Variants in HS3ST5 observed in about 807,000 individuals in gnomAD.
The protein encoded by HS3ST5 is heparan sulfate-glucosamine 3-sulfotransferase 5.
Under a neutral mutation model 25.4 loss-of-function variants are expected in HS3ST5, and 10 were observed. The observed-to-expected ratio is 0.39, with a 90% CI of 0.24 to 0.67. HS3ST5 has a LOEUF of 0.67. HS3ST5 is among the 30% of genes least tolerant of loss of function. The pLI is 0.44. For missense variants in HS3ST5, 324 were observed against 420.7 expected, an observed-to-expected ratio of 0.77 and a Z score of 2.01; for synonymous variants, 170 against 162.4, an observed-to-expected ratio of 1.05 and a Z score of -0.36.
chr6:114,293,380 C>T (rs1293042975), intron 1 of HS3ST5, among the ~76,000 whole-genome samples: 3 of 152,142 alleles, frequency 2.0e-5, no homozygotes, highest in Non-Finnish European at 4.4e-5. Flanking sequence ...AGTCTATGGA[C>T]TAAACAACTA....
chr6:114,270,352 TAAG>T (rs1773586276), intron 1 of HS3ST5, among the ~76,000 whole-genome samples: 1 of 152,130 alleles, frequency 6.6e-6, no homozygotes, highest in African/African-American at 2.4e-5. Context: ...AGTGAAAATA[TAAG>T]AAGGAACTTT....
intron 1 of HS3ST5, among the ~76,000 whole-genome samples, chr6:114,273,704 A>G (rs984515610): frequency 6.6e-6 from 1 of 152,058 alleles, no homozygotes; most frequent in Admixed American, 6.6e-5. Flanking sequence ...TCAAATGCCA[A>G]TAGGTCAAAT....
chr6:114,271,228 T>G (rs996611837), intron 1 of HS3ST5, among the ~76,000 whole-genome samples: 1 of 152,132 alleles, frequency 6.6e-6, no homozygotes, highest in African/African-American at 2.4e-5. Context: ...TTCTGGTGTA[T>G]GTTGTTTCTC....
Position 114,341,218 on chromosome 6 carries a change from AGG to A in HS3ST5, c.-339+975_-339+976del, listed in dbSNP as rs1381332868. ...GGAGAGGGAGAGGGAATAGGGAGAG[AGG>A]GGGAGAGAGAGAGAGAGAGAGAGAG... On this transcript the variant is annotated intron_variant, in intron 1 of 4. Coordinates refer to ENST00000312719, the MANE Select transcript of HS3ST5 (RefSeq NM_153612.4). Among the ~76,000 whole-genome samples, 36 of 104,634 alleles carry A rather than the reference AGG, an allele frequency of 3.4e-4. 2 individuals are homozygous for A. Among genetic ancestry groups the A allele is most frequent in the African/African-American group, 1.4e-3 (33 of 24,366 alleles). The allele number at this position is 104,634 out of a possible 152,430, so 68.6% of individuals were successfully genotyped here.
At chr6:114,085,997 A>G (rs1314073306) in intron 3 of HS3ST5, among the ~76,000 whole-genome samples, 6 of 134,952 alleles carry the variant, frequency 4.4e-5, no homozygotes, top group African/African-American at 1.6e-4. Flanking sequence ...TTTTATGGAC[A>G]TTCAAAGATT....
chr6:114,096,859 C>T (rs1324552680), intron 3 of HS3ST5, among the ~76,000 whole-genome samples: 1 of 151,954 alleles, frequency 6.6e-6, no homozygotes, highest in Non-Finnish European at 1.5e-5. Context: ...ATTCCTTAGT[C>T]ATATTAACAT....
intron 1 of HS3ST5, among the ~76,000 whole-genome samples, chr6:114,306,166 A>T (rs564350343): frequency 2.0e-5 from 3 of 150,826 alleles, no homozygotes; most frequent in Admixed American, 2.0e-4. Flanking sequence ...ATAAGGGTCC[A>T]AATTTCAGTT....
At chr6:114,162,243 A>G (rs927444748) in intron 3 of HS3ST5, among the ~76,000 whole-genome samples, 12 of 152,176 alleles carry the variant, frequency 7.9e-5, no homozygotes, top group African/African-American at 2.7e-4. Context: ...CAGGCCAGGA[A>G]TATTATATAT....
intron 1 of HS3ST5, among the ~76,000 whole-genome samples, chr6:114,280,314 A>G (rs555821816): frequency 1.3e-5 from 2 of 152,122 alleles, no homozygotes; most frequent in East Asian, 3.9e-4. Flanking sequence ...GATGGCAGCC[A>G]TGAAAGTTAA....
intron 1 of HS3ST5, among the ~76,000 whole-genome samples, chr6:114,328,742 G>C (rs1027114954): frequency 2.6e-5 from 4 of 152,174 alleles, no homozygotes; most frequent in African/African-American, 9.6e-5. Flanking sequence ...GCAGCTGTCA[G>C]TAATTACTAC....
intron 3 of HS3ST5, among the ~76,000 whole-genome samples, chr6:114,127,343 C>T (rs992481865): frequency 6.6e-6 from 1 of 152,154 alleles, no homozygotes; most frequent in African/African-American, 2.4e-5. Context: ...AAAATGAGTA[C>T]TTGAGTACTG....
At chr6:114,084,541 C>T in intron 3 of HS3ST5, 6 of 760,166 alleles carry the variant, frequency 7.9e-6, no homozygotes, top group Non-Finnish European at 1.4e-5. Flanking sequence ...CCGCATCACA[C>T]CCGCTGAGTG....
At chr6:114,300,135 G>C (rs1281426319) in intron 1 of HS3ST5, among the ~76,000 whole-genome samples, 1 of 151,274 alleles carries the variant, frequency 6.6e-6, no homozygotes, top group Non-Finnish European at 1.5e-5. Flanking sequence ...CAAAAGTATG[G>C]ATGAGAAAAG....
chr6:114,057,565 A>G lies in HS3ST5; in HGVS notation c.733T>C (p.Phe245Leu), dbSNP rs781674355. The change falls in exon 5 of 5, where the codon TTT becomes CTT. Residue 245 changes from phenylalanine (F) to leucine (L), a missense_variant. Physicochemically the swap from Phe to Leu is conservative, Grantham distance 22. Coordinates refer to ENST00000312719, the MANE Select transcript of HS3ST5 (RefSeq NM_153612.4). The stretch of plus-strand genomic sequence containing the variant: ...ACGACATGAAATTGCTCAATTGGAA[A>G]GTATTTCAACCACCTTTCCAGATGT... ...TKHLERWLKY[F>L]PIEQFHVVDG... is the part of the protein sequence containing the mutation. 6.2e-7 allele frequency: 1 copy of G among 1,614,210 alleles called. No individual in the cohort carries two copies. Among genetic ancestry groups the G allele is most frequent in the Admixed American group, 1.7e-5 (1 of 60,034 alleles).
At chr6:114,334,883 T>C (rs1776545829) in intron 1 of HS3ST5, among the ~76,000 whole-genome samples, 1 of 152,234 alleles carries the variant, frequency 6.6e-6, no homozygotes, top group African/African-American at 2.4e-5. Flanking sequence ...TAAAAATTAA[T>C]GTTATCTAAT....
intron 2 of HS3ST5, among the ~76,000 whole-genome samples, chr6:114,179,644 AT>A (rs1197545685): frequency 7.4e-6 from 1 of 135,376 alleles, no homozygotes; most frequent in African/African-American, 2.7e-5. Context: ...AAACCCTTGT[AT>A]TAGTCAGGGT....
chr6:114,213,321 T>C (rs1388517185), intron 2 of HS3ST5, among the ~76,000 whole-genome samples: 1 of 45,964 alleles, frequency 2.2e-5, no homozygotes, highest in African/African-American at 8.8e-5. Context: ...CTGGGGTTTT[T>C]ATGGGTACAG....
chr6:114,221,296 C>T (rs1275341938), intron 2 of HS3ST5, among the ~76,000 whole-genome samples: 2 of 151,748 alleles, frequency 1.3e-5, no homozygotes, highest in East Asian at 1.9e-4. Context: ...AATAAAATTA[C>T]CTATAAAAAT....
At chr6:114,097,527 A>C (rs935823026) in intron 3 of HS3ST5, among the ~76,000 whole-genome samples, 2 of 151,956 alleles carry the variant, frequency 1.3e-5, no homozygotes, top group African/African-American at 4.8e-5. Flanking sequence ...TGTTCCAATT[A>C]TAAGAATTCC....
Sources: allele counts gnomAD v4.1 joint callset (sites outside exome capture counted in the v4.1 genomes callset), GRCh38; gene constraint gnomAD v4.1.1; transcripts MANE v1.5; gene names NCBI Gene and HGNC (gene_info 2026-07-23, HGNC 2026-07-21).